Variants in MALRD1 observed in about 807,000 individuals in gnomAD.
MALRD1 encodes MAM and LDL-receptor class A domain-containing protein 1.
Under a neutral mutation model 242.1 loss-of-function variants are expected in MALRD1, and 247 were observed. That is an observed-to-expected ratio of 1.02 (90% CI 0.92 to 1.13). The LOEUF (loss-of-function observed/expected upper bound fraction) is 1.13, where lower values mean the gene tolerates loss of function less well. Ranked by LOEUF, MALRD1 falls within the 50% of genes most tolerant of loss-of-function variation. The pLI, the probability that MALRD1 is intolerant of heterozygous loss-of-function variation, is 0.00. For missense variants in MALRD1, 2,989 were observed against 2,533.1 expected, an observed-to-expected ratio of 1.18 and a Z score of -3.86; for synonymous variants, 995 against 866.6, an observed-to-expected ratio of 1.15 and a Z score of -2.60.
At chr10:19,642,794 T>G (rs1220182537) in intron 36 of MALRD1, among the ~76,000 whole-genome samples, 3 of 152,010 alleles carry the variant, frequency 2.0e-5, no homozygotes, top group African/African-American at 4.8e-5. Context: ...CAAAGATTAT[T>G]GCATCTATGT....
intron 10 of MALRD1, among the ~76,000 whole-genome samples, chr10:19,144,378 G>C (rs1387101337): frequency 6.6e-6 from 1 of 152,206 alleles, no homozygotes; most frequent in African/African-American, 2.4e-5. Flanking sequence ...TTCTATGACT[G>C]TCTAACAAGC....
intron 2 of MALRD1, among the ~76,000 whole-genome samples, chr10:19,086,868 T>C (rs893813730): frequency 2.0e-5 from 3 of 152,030 alleles, no homozygotes; most frequent in Non-Finnish European, 4.4e-5. Flanking sequence ...TTTGTCTTGC[T>C]TATCTGAGAG....
chr10:19,152,983 T>A lies in MALRD1; in HGVS notation c.1559-2092T>A, dbSNP rs910068080. ...ATTTAGAATGCTATTTATTTTGAGG[T>A]TGTTCACTAGTCTTTATTTAATTAT... On this transcript the variant is annotated intron_variant, in intron 11 of 39. Coordinates refer to ENST00000454679, the MANE Select transcript of MALRD1 (RefSeq NM_001142308.3). Among the ~76,000 whole-genome samples the A allele has an allele frequency of 2.6e-5, 4 of 152,202 alleles. No individual in the cohort carries two copies. The East Asian group carries it at 7.7e-4, about 29-fold the overall frequency.
chr10:19,175,739 G>C (rs1351728020), intron 14 of MALRD1, among the ~76,000 whole-genome samples: 1 of 151,910 alleles, frequency 6.6e-6, no homozygotes, highest in African/African-American at 2.4e-5. Context: ...AAAGCAAAAA[G>C]GTTGTGTTTG....
At chr10:19,643,061 T>G (rs1840466596) in intron 36 of MALRD1, among the ~76,000 whole-genome samples, 1 of 152,196 alleles carries the variant, frequency 6.6e-6, no homozygotes, top group South Asian at 2.1e-4. Flanking sequence ...TCCAGTTGTC[T>G]TCATATCTCT....
intron 36 of MALRD1, among the ~76,000 whole-genome samples, chr10:19,625,016 T>C: frequency 6.6e-6 from 1 of 151,404 alleles, no homozygotes; most frequent in East Asian, 2.0e-4. Flanking sequence ...ATGATCGCAA[T>C]ACTGCACTTT....
intron 33 of MALRD1, among the ~76,000 whole-genome samples, chr10:19,583,151 C>A (rs74394290): frequency 0.47 from 57,709 of 123,340 alleles, 13,733 homozygotes; most frequent in African/African-American, 0.5. Flanking sequence ...TCTAGATATA[C>A]AATCATGTCA....
chr10:19,111,214 A>G (rs1368755815), intron 5 of MALRD1, among the ~76,000 whole-genome samples: 2 of 152,190 alleles, frequency 1.3e-5, no homozygotes, highest in African/African-American at 2.4e-5. Flanking sequence ...TAAAATCACT[A>G]CAGAAGTACA....
chr10:19,106,231 C>G (rs1352782829), intron 5 of MALRD1, among the ~76,000 whole-genome samples: 2 of 151,710 alleles, frequency 1.3e-5, no homozygotes, highest in Non-Finnish European at 3.0e-5. Flanking sequence ...GTTTTTAACT[C>G]TCACATATGA....
chr10:19,112,594 C>T (rs1217659774), intron 5 of MALRD1, among the ~76,000 whole-genome samples: 5 of 152,080 alleles, frequency 3.3e-5, no homozygotes, highest in South Asian at 2.1e-4. Context: ...ATAAGATGAC[C>T]GTTAAAGGCC....
intron 26 of MALRD1, among the ~76,000 whole-genome samples, chr10:19,381,796 G>A (rs946727645): frequency 5.9e-5 from 9 of 151,922 alleles, no homozygotes; most frequent in East Asian, 1.9e-4. Flanking sequence ...CCGAGATTAC[G>A]CCACTGCACT....
intron 18 of MALRD1, among the ~76,000 whole-genome samples, chr10:19,228,971 G>A (rs1017597161): frequency 3.4e-5 from 4 of 118,208 alleles, no homozygotes; most frequent in Non-Finnish European, 7.0e-5. Flanking sequence ...CCTGTATGGG[G>A]AATGCATGTG....
chr10:19,247,891 T>C (rs947261423), intron 18 of MALRD1, among the ~76,000 whole-genome samples: 1 of 152,012 alleles, frequency 6.6e-6, no homozygotes, highest in African/African-American at 2.4e-5. Flanking sequence ...ATTCACGAAT[T>C]GGGCAGCACT....
At chr10:19,216,447 T>G (rs1290716238) in intron 18 of MALRD1, among the ~76,000 whole-genome samples, 4 of 152,002 alleles carry the variant, frequency 2.6e-5, no homozygotes, top group African/African-American at 9.7e-5. Context: ...TCCTCCTCTC[T>G]CATTCCCATA....
intron 29 of MALRD1, chr10:19,491,264 G>T: frequency 1.4e-6 from 1 of 698,504 alleles, no homozygotes; most frequent in South Asian, 1.5e-5. Context: ...TCTCATCCAT[G>T]AGAATCACAG....
At chr10:19,301,873 A>C (rs934444699) in intron 21 of MALRD1, among the ~76,000 whole-genome samples, 2 of 151,754 alleles carry the variant, frequency 1.3e-5, no homozygotes, top group Non-Finnish European at 2.9e-5. Flanking sequence ...ATAAAACTTA[A>C]AAGGAAAAAA....
At chr10:19,519,169 T>G (rs1371957230) in intron 31 of MALRD1, among the ~76,000 whole-genome samples, 1 of 151,682 alleles carries the variant, frequency 6.6e-6, no homozygotes, top group African/African-American at 2.4e-5. Flanking sequence ...ATACTTATTC[T>G]AATTTTCTTT....
At chr10:19,561,889 T>C (rs1479411189) in intron 32 of MALRD1, among the ~76,000 whole-genome samples, 1 of 152,178 alleles carries the variant, frequency 6.6e-6, no homozygotes, top group Non-Finnish European at 1.5e-5. Context: ...TTTAAATAGT[T>C]TGCCTTAAGG....
intron 35 of MALRD1, among the ~76,000 whole-genome samples, chr10:19,611,499 G>A (rs999198571): frequency 6.6e-5 from 10 of 152,008 alleles, no homozygotes; most frequent in Admixed American, 1.3e-4. Context: ...GTAATCAGTT[G>A]TGAATTGTAT....
Sources: gnomAD v4.1 joint callset for allele counts (sites outside exome capture counted in the v4.1 genomes callset) on GRCh38, gnomAD v4.1.1 for gene constraint, MANE v1.5 for transcripts, NCBI Gene and HGNC (gene_info 2026-07-23, HGNC 2026-07-21) for gene names.